The following ARHGEF17 variants were observed in gnomAD, a reference collection of about 807,000 sequenced individuals.
The protein encoded by ARHGEF17 is 164 kDa Rho-specific guanine-nucleotide exchange factor.
In ARHGEF17, 80 loss-of-function variants were observed where a neutral mutation model predicts 174.0. The observed-to-expected ratio is 0.46, with a 90% CI of 0.38 to 0.55. ARHGEF17 has a LOEUF of 0.55. ARHGEF17 is among the 20% of genes least tolerant of loss of function. The probability of loss-of-function intolerance (pLI) is 0.00; values close to 1 mark genes in which losing one functional copy is unlikely to be tolerated. For missense variants in ARHGEF17, 2,886 were observed against 2,839.7 expected, an observed-to-expected ratio of 1.02 and a Z score of -0.37; for synonymous variants, 1,311 against 1,189.1, an observed-to-expected ratio of 1.10 and a Z score of -2.11.
chr11:73,346,173 C>T (rs1047624002), intron 1 of ARHGEF17, among the ~76,000 whole-genome samples: 1 of 152,056 alleles, frequency 6.6e-6, no homozygotes, highest in Non-Finnish European at 1.5e-5. Context: ...TTTTCCCCTC[C>T]CTAACATGAA....
At chr11:73,318,782 G>A (rs947437497) in intron 1 of ARHGEF17, among the ~76,000 whole-genome samples, 1 of 152,258 alleles carries the variant, frequency 6.6e-6, no homozygotes, top group Non-Finnish European at 1.5e-5. Flanking sequence ...TCTAGGTGGT[G>A]TATTAGTGTC....
chr11:73,309,790 C>T lies in ARHGEF17; in HGVS notation c.1152C>T (p.Pro384=), dbSNP rs140276297. 31 of 1,612,898 alleles carry T rather than the reference C, an allele frequency of 1.9e-5. No homozygotes were observed. Among genetic ancestry groups the T allele is most frequent in the African/African-American group, 4.0e-5 (3 of 74,910 alleles). Residue 384 remains proline (P), a synonymous_variant, in exon 1 of 21, where the codon CCC becomes CCT. Coordinates refer to ENST00000263674, the MANE Select transcript of ARHGEF17 (RefSeq NM_014786.4). ...KVSFPSYLAS[P]AGSRGSSRYS... The stretch of plus-strand genomic sequence containing the variant: ...GCTTTCCCTCGTACCTGGCCAGCCC[C>T]GCAGGCTCCCGCGGTAGCAGCCGTT...
rs760178780 is a variant in ARHGEF17 at position 73,365,929 on chromosome 11, C to A, written c.5977C>A (p.Pro1993Thr). 4.4e-6 allele frequency: 7 copies of A among 1,603,458 alleles called. No homozygotes were observed. The South Asian group carries it at 7.7e-5, about 18-fold the overall frequency. Reference sequence around the variant, plus strand: ...CTTCAACCTGCTCTGCCCAACCCCACCACCTCCCCCAGACACAGGTGGGTC... The same window carrying A: ...CTTCAACCTGCTCTGCCCAACCCCAACACCTCCCCCAGACACAGGTGGGTC... ...DGFNLLCPTP[P>T]PPPDTGPEKL... Residue 1993 changes from proline (P) to threonine (T), a missense_variant, in exon 20 of 21, where the codon CCA becomes ACA. Pro to Thr is a conservative substitution (Grantham distance 38, BLOSUM62 -1). Transcript: ENST00000263674. This position sits in a 1 kb window ranked among gnomAD's most constrained non-coding sequence, Gnocchi z 4.9.
In ARHGEF17 at chr11:73,362,682, G is replaced by A. The variant is rs757361794; in HGVS notation, c.4944G>A (p.Ser1648=). The A allele has an allele frequency of 3.7e-6, 6 of 1,610,222 alleles. No individual in the cohort carries two copies. The highest frequency in any genetic ancestry group is 4.5e-5 in the East Asian group (2 of 44,874). ...ACGATGAGTCTTCGCCCAGCCCCTC[G>A]GGGACGCTGCAGAGCCAGGCCAGCC... ...DSDDESSPSP[S]GTLQSQASRS... Residue 1648 remains serine (S), a synonymous_variant, in exon 14 of 21, where the codon TCG becomes TCA. Coordinates refer to ENST00000263674, the MANE Select transcript of ARHGEF17 (RefSeq NM_014786.4).
chr11:73,327,088 TC>T (rs1413310458), intron 1 of ARHGEF17, among the ~76,000 whole-genome samples: 3 of 152,144 alleles, frequency 2.0e-5, no homozygotes, highest in Non-Finnish European at 4.4e-5. Context: ...ATACCACCCA[TC>T]CTTGGTGCTC....
chr11:73,349,745 T>C (rs566204374), intron 2 of ARHGEF17, among the ~76,000 whole-genome samples: 1 of 152,138 alleles, frequency 6.6e-6, no homozygotes, highest in Non-Finnish European at 1.5e-5. Context: ...CTCCGCCAAA[T>C]CTCCCAGACC....
At chr11:73,323,901 G>T (rs79077655) in intron 1 of ARHGEF17, among the ~76,000 whole-genome samples, 8 of 152,190 alleles carry the variant, frequency 5.3e-5, no homozygotes, top group African/African-American at 1.9e-4. Flanking sequence ...CCAGCCACTC[G>T]CACCAGGACT....
intron 1 of ARHGEF17, among the ~76,000 whole-genome samples, chr11:73,313,446 G>A (rs940906348): frequency 6.6e-6 from 1 of 152,174 alleles, no homozygotes; most frequent in East Asian, 1.9e-4. Context: ...AGGGACTCAG[G>A]GAGACTGAAG....
chr11:73,366,547 T>C lies in ARHGEF17; in HGVS notation c.5995+600T>C, dbSNP rs1438996369. 3.3e-5 allele frequency among the ~76,000 whole-genome samples: 5 copies of C among 151,584 alleles called. No homozygotes were observed. In the East Asian group the frequency reaches 5.8e-4, roughly 18 times the overall value. The stretch of plus-strand genomic sequence containing the variant: ...AGTTCAGGACCCAGCCTGGGCAACA[T>C]GGTGAGACACCATCTCTACAAAAAA... On this transcript the variant is annotated intron_variant, in intron 20 of 20. Transcript: ENST00000263674.
At chr11:73,320,908 C>T (rs535180402) in intron 1 of ARHGEF17, among the ~76,000 whole-genome samples, 2 of 152,228 alleles carry the variant, frequency 1.3e-5, no homozygotes, top group African/African-American at 4.8e-5. Context: ...GTAATCTTCC[C>T]GCCTTGGCCT....
chr11:73,345,188 A>C (rs1865439796), intron 1 of ARHGEF17, among the ~76,000 whole-genome samples: 1 of 152,014 alleles, frequency 6.6e-6, no homozygotes, highest in Non-Finnish European at 1.5e-5. Flanking sequence ...GGTTTTTTAG[A>C]GGTCACAAGA....
Position 73,357,047 on chromosome 11 carries a change from A to T in ARHGEF17, c.3914A>T (p.Asp1305Val), listed in dbSNP as rs774481694. 159 of 1,614,032 alleles carry T rather than the reference A, an allele frequency of 9.9e-5. No homozygotes were observed. The highest frequency in any genetic ancestry group is 1.3e-4 in the Non-Finnish European group (154 of 1,180,050). ...IEVKAIGGKKDRSLFLFTDLI... is the reference protein window; with the variant it reads ...IEVKAIGGKKVRSLFLFTDLI... Reference sequence around the variant, plus strand: ...CAGAAGGCGATCGGTGGCAAGAAGGACCGGTCTCTCTTCCTGTTCACGGAC... The same window carrying T: ...CAGAAGGCGATCGGTGGCAAGAAGGTCCGGTCTCTCTTCCTGTTCACGGAC... The change falls in exon 8 of 21, where the codon GAC (aspartate) becomes GTC (valine). Residue 1305 changes from aspartate to valine, a missense_variant. Physicochemically the swap from Asp to Val is radical, Grantham distance 152 (BLOSUM62 -3). Around this residue, in one of 4 missense-constraint regions of ARHGEF17, gnomAD observed 353 missense variants for 470.3 expected, o/e 0.75. Coordinates refer to ENST00000263674, the MANE Select transcript of ARHGEF17 (RefSeq NM_014786.4).
rs369473796 is a variant in ARHGEF17 at position 73,356,359 on chromosome 11, C to T, written c.3840+8C>T. The stretch of plus-strand genomic sequence containing the variant: ...ATCGAGGGCATGGAGGATGTGCGTG[C>T]GCCCTGCCCCACCCCACCCTACCCC... On this transcript the variant is annotated splice_region_variant and intron_variant, in intron 6 of 20. Coordinates refer to ENST00000263674, the MANE Select transcript of ARHGEF17 (RefSeq NM_014786.4). 7.4e-5 allele frequency: 118 copies of T among 1,600,568 alleles called. No individual in the cohort carries two copies. Among genetic ancestry groups the T allele is most frequent in the Non-Finnish European group, 9.2e-5 (108 of 1,176,968 alleles).
At chr11:73,345,237 T>C (rs1363809972) in intron 1 of ARHGEF17, among the ~76,000 whole-genome samples, 1 of 152,224 alleles carries the variant, frequency 6.6e-6, no homozygotes, top group South Asian at 2.1e-4. Flanking sequence ...CCAGAGGCTC[T>C]GAGGCTCTGG....
In ARHGEF17 at chr11:73,311,306, C is replaced by T; in HGVS notation, c.2668C>T (p.Pro890Ser). Reference protein sequence around the residue: ...RSRAQSERALPEALPPPATAH... With the variant: ...RSRAQSERALSEALPPPATAH... ...CCGGGCACAGTCTGAAAGGGCCCTA[C>T]CTGAGGCTCTGCCTCCCCCTGCCAC... The change falls in exon 1 of 21, where the codon CCT becomes TCT. Residue 890 changes from proline to serine, a missense_variant. Pro to Ser is a moderately conservative substitution (Grantham distance 74). Around this residue, in one of 4 missense-constraint regions of ARHGEF17, gnomAD observed 1,728 missense variants for 1,461.2 expected, o/e 1.18. Transcript: ENST00000263674. 3 of 1,613,236 alleles carry T rather than the reference C, an allele frequency of 1.9e-6. No individual in the cohort carries two copies. The South Asian group carries it at 3.3e-5, about 18-fold the overall frequency.
intron 6 of ARHGEF17, 158 bp downstream of exon 6, chr11:73,356,509 C>CACACAG (rs753699370): frequency 8.8e-7 from 1 of 1,132,238 alleles, no homozygotes; most frequent in Non-Finnish European, 1.3e-6. Context: ...TGTGGCCACA[C>CACACAG]GTCTCCACCT....
At position 73,363,081 on chromosome 11, in the gene ARHGEF17, C is replaced by T. The variant is rs138429363; in HGVS notation, c.4997-125C>T. 2.1e-4 allele frequency: 276 copies of T among 1,315,470 alleles called. No individual in the cohort carries two copies. The African/African-American group carries it at 3.6e-3, about 17-fold the overall frequency. 81.5% of individuals were successfully genotyped at this position (1,315,470 alleles called of 1,614,324 possible). On this transcript the variant is annotated intron_variant, in intron 14 of 20. Transcript: ENST00000263674. ...AGCAGGGCAGCAGACCGGAGCAGGC[C>T]GGGGAAGAACAGCTTTGAGAGGCCT... is the stretch of plus-strand genomic sequence containing the variant.
chr11:73,355,919 T>C lies in ARHGEF17; in HGVS notation c.3629T>C (p.Val1210Ala), dbSNP rs149840079. Residue 1210 changes from valine to alanine, a missense_variant, in exon 5 of 21, where the codon GTG becomes GCG. Val to Ala is a moderately conservative substitution (Grantham distance 64). Transcript: ENST00000263674. ...CTGTCTGACCTCATGATCAAGCCTG[T>C]GCAGCGGATCCCACGCTACGAGCTT... Reference protein sequence around the residue: ...QALSDLMIKPVQRIPRYELLV... With the variant: ...QALSDLMIKPAQRIPRYELLV... 1 of 1,614,200 alleles carries C rather than the reference T, an allele frequency of 6.2e-7. No homozygotes were observed. The highest frequency in any genetic ancestry group is 1.3e-5 in the African/African-American group (1 of 75,044).
At chr11:73,356,906 GA>G in intron 7 of ARHGEF17, 118 bp from the exon 8 acceptor site, 1 of 1,481,432 alleles carries the variant, frequency 6.8e-7, no homozygotes, top group Non-Finnish European at 9.3e-7. Context: ...GACTCTCTGG[GA>G]AGCTGGGGAA....
Sources: allele counts gnomAD v4.1 joint callset (sites outside exome capture counted in the v4.1 genomes callset), GRCh38; gene constraint gnomAD v4.1.1; regional missense constraint gnomAD v4.1.1; non-coding constraint Gnocchi (gnomAD v3.1); transcripts MANE v1.5; gene names NCBI Gene and HGNC (gene_info 2026-07-23, HGNC 2026-07-21).